GMPR: variants seen among roughly 807,000 people sequenced by gnomAD.
GMPR encodes the protein GMP reductase 1.
A neutral mutation model predicts 38.4 loss-of-function variants in GMPR; 31 were observed. The ratio of observed to expected loss-of-function variants is 0.81; its 90% confidence interval spans 0.61 to 1.09. The LOEUF is 1.09. Ranked by LOEUF, GMPR falls within the 50% of genes least tolerant of loss-of-function variation. The probability of loss-of-function intolerance (pLI) is 0.00; values close to 1 mark genes in which losing one functional copy is unlikely to be tolerated. For missense variants in GMPR, 468 were observed against 453.7 expected, an observed-to-expected ratio of 1.03 and a Z score of -0.29; for synonymous variants, 162 against 173.3, an observed-to-expected ratio of 0.93 and a Z score of 0.51.
intron 5 of GMPR, among the ~76,000 whole-genome samples, chr6:16,277,962 G>A (rs1035685267): frequency 6.6e-6 from 1 of 152,132 alleles, no homozygotes; most frequent in Non-Finnish European, 1.5e-5. Context: ...GCACCGGGAA[G>A]CTTGAATAAG....
chr6:16,239,036 A>G (rs1234812814), intron 1 of GMPR, among the ~76,000 whole-genome samples: 1 of 152,122 alleles, frequency 6.6e-6, no homozygotes, highest in Non-Finnish European at 1.5e-5. Context: ...GTGAAACTCG[A>G]CCACAGATGA....
chr6:16,295,075 C>T lies in GMPR; in HGVS notation c.927C>T (p.Leu309=), dbSNP rs547486518. 8.0e-5 allele frequency: 129 copies of T among 1,602,944 alleles called. No homozygotes were observed. The East Asian group carries it at 1.5e-3, about 19-fold the overall frequency. ...GDVENTILDI[L]GGLRSTCTYV... ...TGGAAAACACTATCCTGGATATTCT[C>T]GGGGGACTGAGGTCCACGTGCACCT... The change falls in exon 9 of 9, where the codon CTC becomes CTT. Residue 309 remains leucine, a synonymous_variant. Transcript: ENST00000259727.
In GMPR at chr6:16,246,846, A is replaced by C. The variant is rs757983536; in HGVS notation, c.92A>C (p.Asp31Ala). The stretch of plus-strand genomic sequence containing the variant: ...TTCTTTTTTTTTGGCCAACAGGTGG[A>C]TCTTGAACGCACCTTCACGTTTCGA... ...RSSLKSRAEV[D>A]LERTFTFRNS... Residue 31 changes from aspartate (D) to alanine (A), a missense_variant, in exon 2 of 9, where the codon GAT becomes GCT. Coordinates refer to ENST00000259727, the MANE Select transcript of GMPR (RefSeq NM_006877.4). 6.2e-7 allele frequency: 1 copy of C among 1,612,590 alleles called. No homozygotes were observed. Among genetic ancestry groups the C allele is most frequent in the Non-Finnish European group, 8.5e-7 (1 of 1,179,336 alleles).
chr6:16,287,380 G>A lies in GMPR; in HGVS notation c.697+1545G>A, dbSNP rs750470275. ...AGCCAAACACACTTTAAAGTGACTG[G>A]TCGTTGAGAAGTGCCTTGTAGATCA... is the stretch of plus-strand genomic sequence containing the variant. On this transcript the variant is annotated intron_variant, in intron 7 of 8. Coordinates refer to ENST00000259727, the MANE Select transcript of GMPR (RefSeq NM_006877.4). 1.4e-3 allele frequency among the ~76,000 whole-genome samples: 211 copies of A among 152,312 alleles called. 1 individual carries two copies. The highest frequency in any genetic ancestry group is 2.4e-3 in the Admixed American group (36 of 15,308).
At chr6:16,277,784 G>A (rs894557950) in intron 5 of GMPR, among the ~76,000 whole-genome samples, 4 of 152,130 alleles carry the variant, frequency 2.6e-5, no homozygotes, top group African/African-American at 9.7e-5. Flanking sequence ...AAGATGAGAA[G>A]GGTTTGGCTA....
intron 5 of GMPR, among the ~76,000 whole-genome samples, chr6:16,276,034 C>T (rs531188806): frequency 6.6e-6 from 1 of 151,950 alleles, no homozygotes; most frequent in East Asian, 2.0e-4. Context: ...CGCACTACTG[C>T]ACTCCAGTCT....
rs577179022 is a variant in GMPR, at chr6:16,263,869, TATA to T, written c.465+9136_465+9138del. 1.7e-3 allele frequency among the ~76,000 whole-genome samples: 258 copies of T among 150,816 alleles called. 5 individuals carry two copies. Among genetic ancestry groups the T allele is most frequent in the African/African-American group, 5.9e-3 (244 of 41,228 alleles). On this transcript the variant is annotated intron_variant, in intron 4 of 8. Transcript: ENST00000259727. ...GAAATAAGGGATTGGGGCACAGAGA[TATA>T]AGAGGTTGGGGTACATGCCCCTCCT...
intron 7 of GMPR, among the ~76,000 whole-genome samples, chr6:16,289,300 C>T (rs1243228981): frequency 6.6e-6 from 1 of 152,178 alleles, no homozygotes; most frequent in African/African-American, 2.4e-5. Flanking sequence ...AGACCAAGAA[C>T]CCACCAGTTC....
intron 4 of GMPR, among the ~76,000 whole-genome samples, chr6:16,260,494 G>GT (rs1316038418): frequency 1.3e-5 from 2 of 152,030 alleles, no homozygotes; most frequent in African/African-American, 4.8e-5. Flanking sequence ...GGCATGTCGA[G>GT]TAAAGCTAAT....
At position 16,238,643 on chromosome 6, in the gene GMPR, A is replaced by T; in HGVS notation, c.-51A>T. 1 of 815,656 alleles carries T rather than the reference A, an allele frequency of 1.2e-6. No homozygotes were observed. The highest frequency in any genetic ancestry group is 4.3e-5 in the South Asian group (1 of 23,456). The allele number at this position is 815,656 out of a possible 1,614,324, so 50.5% of individuals were successfully genotyped here. ...CGGCGCTCCCCGCGCCGCCCCGCGC[A>T]GGCGCCCCCGCCCCGCCGTCGCCGC... is the stretch of plus-strand genomic sequence containing the variant. On this transcript the variant is annotated 5_prime_UTR_variant, in exon 1 of 9. Transcript: ENST00000259727.
chr6:16,274,836 CAT>C (rs1759447165), intron 5 of GMPR, among the ~76,000 whole-genome samples: 1 of 151,976 alleles, frequency 6.6e-6, no homozygotes, highest in Admixed American at 6.6e-5. Flanking sequence ...GTGAAGAATC[CAT>C]AGAGACAGTT....
chr6:16,254,706 C>G lies in GMPR; in HGVS notation c.436C>G (p.Arg146Gly), dbSNP rs770523911. ...TTTTGTGGAATTCGTGAAACTTGTC[C>G]GTGCCAAATTTCCTGAACACACCAT... ...EHFVEFVKLV[R>G]AKFPEHTIMA... The change falls in exon 4 of 9, where the codon CGT (arginine) becomes GGT (glycine). Residue 146 changes from arginine to glycine, a missense_variant. Transcript: ENST00000259727. The G allele has an allele frequency of 3.7e-6, 6 of 1,613,592 alleles. No individual in the cohort carries two copies. Among genetic ancestry groups the G allele is most frequent in the Non-Finnish European group, 5.1e-6 (6 of 1,179,580 alleles).
In GMPR at chr6:16,285,780, T is replaced by C. The variant is rs1304405309; in HGVS notation, c.655-13T>C. The C allele has an allele frequency of 2.5e-6, 4 of 1,612,552 alleles. No homozygotes were observed. The highest frequency in any genetic ancestry group is 1.7e-4 in the Middle Eastern group (1 of 6,060). ...GCTGATGATGTCCTGTCCTTGCTTT[T>C]TCCTCTGTGAAGGATGGAGGCTGTA... is the stretch of plus-strand genomic sequence containing the variant. On this transcript the variant is annotated splice_polypyrimidine_tract_variant and intron_variant, in intron 6 of 8. Transcript: ENST00000259727.
intron 2 of GMPR, 35 bp downstream of exon 2, chr6:16,246,996 G>T (rs768957220): frequency 5.0e-6 from 8 of 1,606,250 alleles, no homozygotes; most frequent in Non-Finnish European, 6.8e-6. Context: ...TCCCTTTGCT[G>T]CTCACACTGT....
intron 4 of GMPR, among the ~76,000 whole-genome samples, chr6:16,267,764 CT>C (rs1434157275): frequency 6.6e-6 from 1 of 152,086 alleles, no homozygotes; most frequent in Non-Finnish European, 1.5e-5. Context: ...TCTTTCTGAT[CT>C]GGTCTGGAGG....
At position 16,285,743 on chromosome 6, in the gene GMPR, G is replaced by A. The variant is rs368715482; in HGVS notation, c.655-50G>A. On this transcript the variant is annotated intron_variant, in intron 6 of 8. Coordinates refer to ENST00000259727, the MANE Select transcript of GMPR (RefSeq NM_006877.4). ...GTCATCTGGGGGGAGGGGACAGCCTGGCTGAGCTCCCGCTGATGATGTCCT... is the reference window on the plus strand; with the variant it reads ...GTCATCTGGGGGGAGGGGACAGCCTAGCTGAGCTCCCGCTGATGATGTCCT... The A allele has an allele frequency of 5.0e-4, 768 of 1,530,536 alleles. 9 individuals are homozygous for A. In the South Asian group the frequency reaches 8.2e-3, roughly 16 times the overall value. 94.8% of individuals were successfully genotyped at this position (1,530,536 alleles called of 1,614,324 possible). A position where few individuals can be genotyped will look rare whatever the true frequency, so the allele number is the denominator to read the frequency against.
chr6:16,258,453 T>C (rs185125192), intron 4 of GMPR, among the ~76,000 whole-genome samples: 25 of 152,236 alleles, frequency 1.6e-4, no homozygotes, highest in African/African-American at 5.5e-4. Flanking sequence ...GAAAGGGTGT[T>C]GTTGCCAGTG....
intron 1 of GMPR, among the ~76,000 whole-genome samples, chr6:16,242,639 T>A (rs1758673043): frequency 1.3e-5 from 2 of 152,124 alleles, no homozygotes; most frequent in South Asian, 2.1e-4. Flanking sequence ...TTATTTTATT[T>A]TTTATTTATT....
chr6:16,246,717 C>T, intron 1 of GMPR, 125 bp from the exon 2 acceptor site: 2 of 898,560 alleles, frequency 2.2e-6, no homozygotes, highest in East Asian at 2.5e-5. Flanking sequence ...TCTTTGACCC[C>T]TAAGAGAATC....
Sources: allele counts gnomAD v4.1 joint callset (sites outside exome capture counted in the v4.1 genomes callset), GRCh38; gene constraint gnomAD v4.1.1; transcripts MANE v1.5; gene names NCBI Gene and HGNC (gene_info 2026-07-23, HGNC 2026-07-21).